Variants in P2RX5 observed in about 807,000 individuals in gnomAD.
P2RX5 encodes purinergic receptor P2X 5, also known as P2X purinoceptor 5.
Under a neutral mutation model 54.1 loss-of-function variants are expected in P2RX5, and 46 were observed. The observed-to-expected ratio is 0.85, with a 90% CI of 0.67 to 1.09. The LOEUF is 1.09. Ranked by LOEUF, P2RX5 falls within the 50% of genes least tolerant of loss-of-function variation. P2RX5 has a pLI of 0.00. For synonymous variants in P2RX5, 226 were observed against 226.4 expected (o/e 1.00, Z 0.02); for missense variants, 566 against 549.8 (o/e 1.03, Z -0.29).
In P2RX5 at chr17:3,696,068, T is replaced by C; in HGVS notation, c.-63A>G. 1.3e-6 allele frequency: 2 copies of C among 1,566,606 alleles called. No individual in the cohort carries two copies. The highest frequency in any genetic ancestry group is 2.3e-5 in the South Asian group (2 of 86,996). On this transcript the variant is annotated 5_prime_UTR_variant, in exon 1 of 12. Coordinates refer to ENST00000225328, the MANE Select transcript of P2RX5 (RefSeq NM_002561.4). ...ACGTGCGCTCATGGGGAGCACTCGG[T>C]CCCTCGGTCCCTGCGCGCCCGGCGC...
rs1472166919 is a variant in P2RX5, at chr17:3,673,651, G to A, written c.*217C>T. ...AGGAAGAACTGACGGCAGGGGGTGG[G>A]GCAAAAAGACAGCCATGATGGGTCC... is the stretch of plus-strand genomic sequence containing the variant. On this transcript the variant is annotated 3_prime_UTR_variant, in exon 12 of 12. Transcript: ENST00000225328. The A allele has an allele frequency of 2.8e-6, 4 of 1,444,024 alleles. No individual in the cohort carries two copies. In the South Asian group the frequency reaches 4.4e-5, roughly 16 times the overall value. The allele number at this position is 1,444,024 out of a possible 1,614,324, so 89.5% of individuals were successfully genotyped here. A position where few individuals can be genotyped will look rare whatever the true frequency, so the allele number is the denominator to read the frequency against.
chr17:3,721,863 C>G, the P2RX5 span: 1 of 149,694 alleles, frequency 6.7e-6, no homozygotes, highest in East Asian at 2.0e-4. Context: ...CTGACCAACA[C>G]GATGAAACCC....
chr17:3,716,627 G>T, the P2RX5 span: 1 of 1,046,398 alleles, frequency 9.6e-7, no homozygotes, highest in Non-Finnish European at 1.5e-6. Context: ...GTCCTAAGGA[G>T]TTCTGTGCCC....
At chr17:3,691,285 T>C (rs1024982783) in intron 2 of P2RX5, among the ~76,000 whole-genome samples, 1 of 152,228 alleles carries the variant, frequency 6.6e-6, no homozygotes, top group African/African-American at 2.4e-5. Context: ...CAGGCTGCCC[T>C]GGCCCTGGCC....
rs777761766 is a variant in P2RX5 at position 3,688,063 on chromosome 17, G to A, written c.930C>T (p.Arg310=). The A allele has an allele frequency of 1.2e-6, 2 of 1,606,354 alleles. No individual in the cohort carries two copies. Among genetic ancestry groups the A allele is most frequent in the Non-Finnish European group, 8.5e-7 (1 of 1,176,628 alleles). The change falls in exon 9 of 12, where the codon CGC becomes CGT. Residue 310 remains arginine (R), a synonymous_variant. Coordinates refer to ENST00000225328, the MANE Select transcript of P2RX5 (RefSeq NM_002561.4). ...YYRDAAGVEF[R]TLMKAYGIRF... The stretch of plus-strand genomic sequence containing the variant: ...GGATCCCGTAGGCTTTCATCAGGGT[G>A]CGGAACTCCACCCCGGCTGCGTCTC...
intron 11 of P2RX5, chr17:3,676,489 C>T (rs2142994764): frequency 1.0e-6 from 1 of 984,070 alleles, no homozygotes; most frequent in Non-Finnish European, 1.2e-6. Context: ...ATTACCCAGT[C>T]AAAATATTGT....
chr17:3,681,838 G>A (rs990421887), intron 10 of P2RX5, 58 bp downstream of exon 10: 8 of 1,178,030 alleles, frequency 6.8e-6, no homozygotes, highest in African/African-American at 1.5e-5. Flanking sequence ...AAGGCTCGAA[G>A]CCACGGGGGT....
At chr17:3,677,832 C>T in intron 11 of P2RX5, 19 of 985,388 alleles carry the variant, frequency 1.9e-5, no homozygotes, top group Non-Finnish European at 2.3e-5. Flanking sequence ...GCACCCTGGC[C>T]TGTCCCTTTC....
intron 10 of P2RX5, among the ~76,000 whole-genome samples, chr17:3,680,327 GCA>G (rs1325306310): frequency 4.4e-5 from 6 of 135,568 alleles, no homozygotes; most frequent in Admixed American, 1.4e-4. Context: ...CCTCCACCCT[GCA>G]TCCTCCACCC....
intron 11 of P2RX5, among the ~76,000 whole-genome samples, chr17:3,678,928 C>A (rs2050163589): frequency 6.6e-6 from 1 of 152,224 alleles, no homozygotes; most frequent in African/African-American, 2.4e-5. Flanking sequence ...ACGCCCTCCC[C>A]ACGCAGGCTG....
intron 9 of P2RX5, 115 bp from the exon 10 acceptor site, chr17:3,682,093 A>G (rs2050300382): frequency 1.4e-6 from 1 of 737,092 alleles, no homozygotes; most frequent in Admixed American, 2.0e-5. Flanking sequence ...CACTGTCCCC[A>G]TTTAACAGAT....
chr17:3,699,887 AAGGAAGGAAGGAAGGAAGGAAG>A (rs2050804989), upstream of P2RX5, among the ~76,000 whole-genome samples: 1 of 28,402 alleles, frequency 3.5e-5, no homozygotes, highest in Non-Finnish European at 1.3e-4. Context: ...GGAAGGAAGG[AAGGAAGGAAGGAAGGAAGGAAG>A]GAAGGAAGGA....
the P2RX5 span, among the ~76,000 whole-genome samples, chr17:3,704,114 C>CAAAA: frequency 4.3e-3 from 265 of 61,696 alleles, 1 homozygote; most frequent in Middle Eastern, 0.025. Context: ...AAAAAACAAA[C>CAAAA]AAACAAAACC....
chr17:3,719,584 G>A, the P2RX5 span, among the ~76,000 whole-genome samples: 1 of 152,168 alleles, frequency 6.6e-6, no homozygotes. Context: ...AGAATTCCAA[G>A]AGTTCCAGTA....
chr17:3,690,174 T>C, intron 5 of P2RX5, 24 bp from the exon 6 acceptor site: 1 of 1,604,884 alleles, frequency 6.2e-7, no homozygotes, highest in South Asian at 1.1e-5. Context: ...CAGAACAGCC[T>C]GTCCAGGAGG....
At chr17:3,677,212 C>G in intron 11 of P2RX5, 1 of 985,416 alleles carries the variant, frequency 1.0e-6, no homozygotes, top group African/African-American at 1.7e-5. Flanking sequence ...TTTACACCTG[C>G]TGAGTGGCGC....
At position 3,689,617 on chromosome 17, in the gene P2RX5, CCATCA is replaced by C. The variant is rs777620914; in HGVS notation, c.623_627del (p.Val208GlyfsTer49). 3 of 1,614,056 alleles carry C rather than the reference CCATCA, an allele frequency of 1.9e-6. No individual in the cohort carries two copies. In the African/African-American group the frequency reaches 4.0e-5, roughly 22 times the overall value. ...TTCAGGAAAGATCTGTCCTTGACGTCCATCACATTGCTTCTGGGTGGAGGCCATGG... is the reference window on the plus strand; with the variant it reads ...TTCAGGAAAGATCTGTCCTTGACGTCCATTGCTTCTGGGTGGAGGCCATGG... On this transcript the variant is annotated frameshift_variant, in exon 7 of 12. Coordinates refer to ENST00000225328, the MANE Select transcript of P2RX5 (RefSeq NM_002561.4). LOFTEE classifies it high-confidence loss of function.
Position 3,694,016 on chromosome 17 carries a change from C to T in P2RX5, c.137+1853G>A, listed in dbSNP as rs146558730. ...CTGACCTCAAGTGATCCAGCCACCG[C>T]GGTCTCCTCTCCCAAAGTGCTGGGG... On this transcript the variant is annotated intron_variant, in intron 1 of 11. Transcript: ENST00000225328. Among the ~76,000 whole-genome samples, 768 of 152,004 alleles carry T rather than the reference C, an allele frequency of 5.1e-3. 6 individuals are homozygous for T. Among genetic ancestry groups the T allele is most frequent in the South Asian group, 0.014 (65 of 4,806 alleles).
At chr17:3,685,065 C>T (rs550223679) in intron 9 of P2RX5, among the ~76,000 whole-genome samples, 29 of 152,090 alleles carry the variant, frequency 1.9e-4, no homozygotes, top group East Asian at 7.8e-4. Flanking sequence ...AGGCTGGTCT[C>T]GAACTCACAA....
Sources: gnomAD v4.1 joint callset for allele counts (sites outside exome capture counted in the v4.1 genomes callset) on GRCh38, gnomAD v4.1.1 for gene constraint, MANE v1.5 for transcripts, NCBI Gene and HGNC (gene_info 2026-07-23, HGNC 2026-07-21) for gene names.